The following SLCO1B3 variants were observed in gnomAD, a reference collection of about 807,000 sequenced individuals.
The protein encoded by SLCO1B3 is solute carrier organic anion transporter family member 1B3.
Under a neutral mutation model 71.8 loss-of-function variants are expected in SLCO1B3, and 72 were observed. The observed-to-expected ratio is 1.00, with a 90% confidence interval of 0.83 to 1.22. The LOEUF is 1.22. SLCO1B3 is among the 50% of genes most tolerant of loss of function. The probability of loss-of-function intolerance (pLI) is 0.00; values close to 1 mark genes in which losing one functional copy is unlikely to be tolerated. For synonymous variants in SLCO1B3, 298 were observed against 278.4 expected, an observed-to-expected ratio of 1.07 and a Z score of -0.70; for missense variants, 911 against 819.7, an observed-to-expected ratio of 1.11 and a Z score of -1.36.
intron 11 of SLCO1B3, 31 bp from the exon 12 acceptor site, chr12:20,880,824 T>G: frequency 6.7e-7 from 1 of 1,482,694 alleles, no homozygotes; most frequent in Non-Finnish European, 9.2e-7. Flanking sequence ...TCTTTCTCTT[T>G]TTTTGATATA....
At chr12:20,847,619 G>A (rs1864944125) in intron 3 of SLCO1B3, among the ~76,000 whole-genome samples, 1 of 151,992 alleles carries the variant, frequency 6.6e-6, no homozygotes, top group Admixed American at 6.6e-5. Context: ...AAAGTTCAGT[G>A]GCAACCTTAA....
At chr12:20,875,617 A>G in intron 9 of SLCO1B3, 140 bp downstream of exon 9, 2 of 883,066 alleles carry the variant, frequency 2.3e-6, no homozygotes, top group East Asian at 2.7e-5. Context: ...TATTTTTTCT[A>G]AAACTCCTAT....
intron 4 of SLCO1B3, among the ~76,000 whole-genome samples, chr12:20,855,709 T>C (rs1037345707): frequency 6.6e-6 from 1 of 151,230 alleles, no homozygotes; most frequent in African/African-American, 2.4e-5. Flanking sequence ...ATCATTTTAA[T>C]TTGGATTTCT....
intron 13 of SLCO1B3, among the ~76,000 whole-genome samples, chr12:20,885,490 CAG>C (rs1438787620): frequency 2.8e-5 from 4 of 142,828 alleles, no homozygotes; most frequent in Non-Finnish European, 4.7e-5. Flanking sequence ...ATATGTAAAA[CAG>C]GGTAAATGTG....
At position 20,857,570 on chromosome 12, in the gene SLCO1B3, T is replaced by C. The variant is rs189091786; in HGVS notation, c.227-869T>C. On this transcript the variant is annotated intron_variant, in intron 4 of 15. Transcript: ENST00000381545. Reference sequence around the variant, plus strand: ...ACAACACTTTATTGTTGTCTTATTATTTTTAGTCTGCCAGTTCTGATTCTA... The same window carrying C: ...ACAACACTTTATTGTTGTCTTATTACTTTTAGTCTGCCAGTTCTGATTCTA... Among the ~76,000 whole-genome samples the C allele has an allele frequency of 7.3e-3, 1,112 of 152,194 alleles. 5 individuals carry two copies. The highest frequency in any genetic ancestry group is 0.013 in the Non-Finnish European group (868 of 67,968).
intron 3 of SLCO1B3, among the ~76,000 whole-genome samples, chr12:20,820,753 G>A (rs923749686): frequency 4.6e-5 from 7 of 151,934 alleles, no homozygotes; most frequent in Non-Finnish European, 8.8e-5. Flanking sequence ...AGGGTCTAGG[G>A]CTGTAAAGCA....
At chr12:20,815,519 G>T (rs1040174707) in intron 2 of SLCO1B3, among the ~76,000 whole-genome samples, 155 bp from the exon 3 acceptor site, 2 of 152,032 alleles carry the variant, frequency 1.3e-5, no homozygotes, top group African/African-American at 4.8e-5. Context: ...CCTCCTCTGT[G>T]TCCAGCATTG....
At chr12:20,823,667 T>G (rs1864364327) in intron 3 of SLCO1B3, among the ~76,000 whole-genome samples, 2 of 152,238 alleles carry the variant, frequency 1.3e-5, no homozygotes, top group African/African-American at 4.8e-5. Flanking sequence ...TGGATCTTTT[T>G]GCACTACGAA....
At chr12:20,893,373 AATG>A (rs1486410970) in intron 13 of SLCO1B3, among the ~76,000 whole-genome samples, 2 of 152,186 alleles carry the variant, frequency 1.3e-5, no homozygotes, top group African/African-American at 2.4e-5. Flanking sequence ...ATTGTCAAGA[AATG>A]ATGAGAGTTG....
intron 6 of SLCO1B3, 65 bp downstream of exon 6, chr12:20,861,203 T>C: frequency 7.1e-7 from 1 of 1,413,020 alleles, no homozygotes; most frequent in Non-Finnish European, 9.5e-7. Flanking sequence ...TCTATAAAGT[T>C]TCTGATATTC....
chr12:20,831,085 G>A (rs113036254), intron 3 of SLCO1B3, among the ~76,000 whole-genome samples: 15 of 152,170 alleles, frequency 9.9e-5, no homozygotes, highest in East Asian at 1.9e-4. Flanking sequence ...CAGGCCGGGC[G>A]CGGTGGCTCA....
rs372594767 is a variant in SLCO1B3, at chr12:20,833,218, C to G, written c.84+17396C>G. The stretch of plus-strand genomic sequence containing the variant: ...ATTCACTAGGCCAGGTCAAGTCAAT[C>G]TCTTTGTTTTAAGTCATCTGTTTAG... On this transcript the variant is annotated intron_variant, in intron 3 of 15. Coordinates refer to ENST00000381545, the MANE Select transcript of SLCO1B3 (RefSeq NM_019844.4). 1.1e-3 allele frequency among the ~76,000 whole-genome samples: 163 copies of G among 152,106 alleles called. 4 individuals are homozygous for G. In the South Asian group the frequency reaches 0.033, roughly 31 times the overall value.
intron 6 of SLCO1B3, 74 bp downstream of exon 6, chr12:20,861,212 T>A: frequency 7.6e-7 from 1 of 1,321,874 alleles, no homozygotes; most frequent in Non-Finnish European, 1.0e-6. Flanking sequence ...TTTCTGATAT[T>A]CTTTAACAAA....
chr12:20,891,954 A>C lies in SLCO1B3; in HGVS notation c.1683-6482A>C, dbSNP rs539460384. On this transcript the variant is annotated intron_variant, in intron 13 of 15. Coordinates refer to ENST00000381545, the MANE Select transcript of SLCO1B3 (RefSeq NM_019844.4). ...TTTCATTTATTTTTGGTAATTTTTA[A>C]CTTTCTTTTGGATCTCAAGCTTTAC... Among the ~76,000 whole-genome samples, 5 of 151,808 alleles carry C rather than the reference A, an allele frequency of 3.3e-5. 1 individual carries two copies. In the South Asian group the frequency reaches 8.3e-4, roughly 25 times the overall value.
chr12:20,890,074 C>A (rs372300214), intron 13 of SLCO1B3, among the ~76,000 whole-genome samples: 1 of 151,938 alleles, frequency 6.6e-6, no homozygotes, highest in Non-Finnish European at 1.5e-5. Flanking sequence ...TGTGCCACCA[C>A]ACCCAGCTAA....
chr12:20,857,743 C>G (rs937434484), intron 4 of SLCO1B3, among the ~76,000 whole-genome samples: 1 of 151,964 alleles, frequency 6.6e-6, no homozygotes, highest in Non-Finnish European at 1.5e-5. Context: ...TTTCGTGAAA[C>G]TATTTTCCAT....
chr12:20,839,099 C>T (rs1208285557), intron 3 of SLCO1B3, among the ~76,000 whole-genome samples: 1 of 151,862 alleles, frequency 6.6e-6, no homozygotes, highest in African/African-American at 2.4e-5. Flanking sequence ...ATTCTTCTCT[C>T]CCGTTTATTG....
intron 3 of SLCO1B3, among the ~76,000 whole-genome samples, chr12:20,846,705 A>C (rs1464259437): frequency 6.6e-6 from 1 of 152,148 alleles, no homozygotes; most frequent in Non-Finnish European, 1.5e-5. Flanking sequence ...AGTCAAGTCT[A>C]AGCTTCTACT....
intron 13 of SLCO1B3, among the ~76,000 whole-genome samples, chr12:20,891,572 G>A (rs74065704): frequency 0.032 from 4,884 of 152,152 alleles, 238 homozygotes; most frequent in African/African-American, 0.11. Flanking sequence ...TGGATCTGTA[G>A]TAAGTCAGGG....
Sources: allele counts gnomAD v4.1 joint callset (sites outside exome capture counted in the v4.1 genomes callset), GRCh38; gene constraint gnomAD v4.1.1; transcripts MANE v1.5; gene names NCBI Gene and HGNC (gene_info 2026-07-23, HGNC 2026-07-21).